FRMPD4: variants seen among roughly 807,000 people sequenced by gnomAD.
FRMPD4 encodes the protein FERM and PDZ domain containing 4, also known as FERM and PDZ domain-containing protein 4.
A neutral mutation model predicts 94.1 loss-of-function variants in FRMPD4; 22 were observed. The ratio of observed to expected loss-of-function variants is 0.23; its 90% confidence interval spans 0.17 to 0.33. The LOEUF (loss-of-function observed/expected upper bound fraction) is 0.33, where lower values mean the gene tolerates loss of function less well. FRMPD4 is among the 10% of genes least tolerant of loss of function. The probability of loss-of-function intolerance (pLI) is 1.00; values close to 1 mark genes in which losing one functional copy is unlikely to be tolerated. For missense variants in FRMPD4, 1,111 were observed against 1,339.9 expected (o/e 0.83, Z 2.67); for synonymous variants, 631 against 548.6 (o/e 1.15, Z -2.10).
At chrX:12,512,007 C>T (rs375317217) in intron 2 of FRMPD4, among the ~76,000 whole-genome samples, 1 of 111,898 alleles carries the variant, frequency 8.9e-6, no homozygotes, top group Non-Finnish European at 1.9e-5. Flanking sequence ...CAGAAATTGC[C>T]ACAGCCACCC....
At chrX:12,242,518 G>A (rs1330729910) in intron 1 of FRMPD4, among the ~76,000 whole-genome samples, 5 of 112,143 alleles carry the variant, frequency 4.5e-5, no homozygotes, top group East Asian at 5.6e-4. Flanking sequence ...ATAACACAAA[G>A]CATTTAGAAC....
intron 1 of FRMPD4, among the ~76,000 whole-genome samples, chrX:12,423,243 AAATAAAT>A (rs1213497157): frequency 9.1e-6 from 1 of 110,090 alleles, no homozygotes; most frequent in Non-Finnish European, 1.9e-5. Context: ...CGTCTAAAAT[AAATAAAT>A]AAATAAATAA....
chrX:12,158,170 A>G (rs1457128440), intron 1 of FRMPD4, among the ~76,000 whole-genome samples: 1 of 111,950 alleles, frequency 8.9e-6, no homozygotes, highest in Admixed American at 9.5e-5. Context: ...TTGAGAGTGT[A>G]TTCCAATTGT....
chrX:12,578,607 C>T (rs185641247), intron 2 of FRMPD4, among the ~76,000 whole-genome samples: 12 of 111,614 alleles, frequency 1.1e-4, no homozygotes, highest in East Asian at 2.8e-4. Context: ...TTACTGTTTT[C>T]GAACCCTTTT....
At chrX:12,561,895 G>C (rs753392306) in intron 2 of FRMPD4, among the ~76,000 whole-genome samples, 1 of 112,431 alleles carries the variant, frequency 8.9e-6, no homozygotes, top group East Asian at 2.8e-4. Context: ...ATGACAATTA[G>C]ATGTTAGGCA....
At chrX:12,259,077 C>T (rs1210428502) in intron 1 of FRMPD4, among the ~76,000 whole-genome samples, 1 of 111,948 alleles carries the variant, frequency 8.9e-6, no homozygotes, top group Non-Finnish European at 1.9e-5. Context: ...AATGGCTTAA[C>T]CAAATACTAG....
chrX:12,640,285 T>C (rs1357674282), intron 4 of FRMPD4, among the ~76,000 whole-genome samples: 1 of 64,056 alleles, frequency 1.6e-5, no homozygotes, highest in African/African-American at 7.3e-5. Flanking sequence ...GACGACAAAG[T>C]GAGGCTGTCT....
At chrX:12,679,484 G>A (rs1224526101) in intron 5 of FRMPD4, among the ~76,000 whole-genome samples, 2 of 111,070 alleles carry the variant, frequency 1.8e-5, no homozygotes, top group Non-Finnish European at 3.8e-5. Flanking sequence ...AAAAGTGCGA[G>A]GGAATTTCAT....
chrX:12,451,733 CGTGTGTGTGT>C (rs72300557), intron 1 of FRMPD4, among the ~76,000 whole-genome samples: 33 of 98,827 alleles, frequency 3.3e-4, no homozygotes, highest in South Asian at 5.2e-4. Flanking sequence ...TGTGTATGCC[CGTGTGTGTGT>C]GTGTGTGTGT....
Position 12,717,730 on chromosome X carries a change from G to C in FRMPD4, c.2904G>C (p.Ser968=), listed in dbSNP as rs768684415. ...TPAGGLPPKS[S]HALAARPATD... is the part of the protein sequence containing the mutation. Reference sequence around the variant, plus strand: ...CTGGGGGCTTGCCTCCAAAGTCCTCGCACGCCCTGGCTGCTAGGCCAGCAA... The same window carrying C: ...CTGGGGGCTTGCCTCCAAAGTCCTCCCACGCCCTGGCTGCTAGGCCAGCAA... Residue 968 remains serine, a synonymous_variant, in exon 16 of 17, where the codon TCG becomes TCC. Coordinates refer to ENST00000675598, the MANE Select transcript of FRMPD4 (RefSeq NM_001368397.1). 16 of 1,210,142 alleles carry C rather than the reference G, an allele frequency of 1.3e-5. No individual in the cohort carries two copies. The highest frequency in any genetic ancestry group is 2.2e-5 in the Admixed American group (1 of 45,906).
At chrX:11,952,511 G>A (rs904640033) in intron 3 of FRMPD4, among the ~76,000 whole-genome samples, 3 of 112,297 alleles carry the variant, frequency 2.7e-5, no homozygotes, top group Non-Finnish European at 5.6e-5. Flanking sequence ...TGTAATCTGC[G>A]AAAGGCAGTG....
intron 4 of FRMPD4, among the ~76,000 whole-genome samples, chrX:12,667,717 A>T (rs140666262): frequency 1.3e-3 from 142 of 112,143 alleles, no homozygotes; most frequent in African/African-American, 4.5e-3. Flanking sequence ...ATAATGCCAA[A>T]GCATGCTCTA....
chrX:11,878,802 A>C (rs2053798735), intron 3 of FRMPD4, among the ~76,000 whole-genome samples: 1 of 112,275 alleles, frequency 8.9e-6, no homozygotes, highest in African/African-American at 3.2e-5. Context: ...TGTATATTAT[A>C]AGACCCTTAT....
At chrX:12,285,445 G>A (rs765321956) in intron 1 of FRMPD4, among the ~76,000 whole-genome samples, 2 of 111,202 alleles carry the variant, frequency 1.8e-5, no homozygotes, top group African/African-American at 3.3e-5. Flanking sequence ...TTTTCATTTT[G>A]TGTTGTGAGA....
At chrX:12,475,604 C>A (rs1199209573) in intron 1 of FRMPD4, among the ~76,000 whole-genome samples, 3 of 112,194 alleles carry the variant, frequency 2.7e-5, no homozygotes, top group African/African-American at 9.7e-5. Context: ...TGATAAGCAA[C>A]TTCAGCAAAG....
At chrX:12,294,509 T>G (rs758111292) in intron 1 of FRMPD4, among the ~76,000 whole-genome samples, 1 of 70,334 alleles carries the variant, frequency 1.4e-5, no homozygotes, top group Non-Finnish European at 2.8e-5. Context: ...GAGAGAGTTT[T>G]ATAATGGGTT....
chrX:11,886,481 C>G (rs2053846001), intron 3 of FRMPD4, among the ~76,000 whole-genome samples: 1 of 111,828 alleles, frequency 8.9e-6, no homozygotes. Context: ...GGACCCTTCT[C>G]TGACAGTGAC....
Position 12,640,277 on chromosome X carries a change from C to T in FRMPD4, c.422+25396C>T, listed in dbSNP as rs993362743. Among the ~76,000 whole-genome samples the T allele has an allele frequency of 1.5e-4, 11 of 74,925 alleles. No individual in the cohort carries two copies. The East Asian group carries it at 1.5e-3, about 10-fold the overall frequency. The allele number at this position is 74,925 out of a possible 115,157, so 65.1% of individuals were successfully genotyped here. A position where few individuals can be genotyped will look rare whatever the true frequency, so the allele number is the denominator to read the frequency against. On this transcript the variant is annotated intron_variant, in intron 4 of 16. Transcript: ENST00000675598. ...TCACAGCACTGCACTCCAGCCTGGA[C>T]GACAAAGTGAGGCTGTCTCAAAAAA...
intron 10 of FRMPD4, among the ~76,000 whole-genome samples, chrX:12,704,010 G>A (rs2041833215): frequency 8.9e-6 from 1 of 112,153 alleles, no homozygotes; most frequent in African/African-American, 3.2e-5. Context: ...ACAAAGGGAT[G>A]GAGAGAAATT....
Sources: allele counts gnomAD v4.1 joint callset (sites outside exome capture counted in the v4.1 genomes callset), GRCh38; gene constraint gnomAD v4.1.1; transcripts MANE v1.5; gene names NCBI Gene and HGNC (gene_info 2026-07-23, HGNC 2026-07-21).